The following UBE2Q1 variants were observed in gnomAD, a reference collection of about 807,000 sequenced individuals.
UBE2Q1 encodes ubiquitin conjugating enzyme E2 Q1.
Under a neutral mutation model 60.1 loss-of-function variants are expected in UBE2Q1, and 6 were observed. The observed-to-expected ratio is 0.10, with a 90% CI of 0.05 to 0.20. UBE2Q1 has a LOEUF of 0.20. Among genes scored for constraint, UBE2Q1 ranks in the 10% least tolerant of loss-of-function variants. UBE2Q1 has a pLI of 1.00. For missense variants in UBE2Q1, 262 were observed against 525.8 expected (o/e 0.50, Z 4.91); for synonymous variants, 226 against 208.3 (o/e 1.09, Z -0.73).
chr1:154,551,875 G>A (rs377684621), intron 9 of UBE2Q1, 46 bp downstream of exon 9: 24 of 1,613,990 alleles, frequency 1.5e-5, no homozygotes, highest in Admixed American at 5.0e-5. Flanking sequence ...TCTCTTCCCC[G>A]CCCTCTGCCA....
At chr1:154,554,681 A>G (rs1695851013) in intron 4 of UBE2Q1, 54 bp downstream of exon 4, 2 of 1,577,394 alleles carry the variant, frequency 1.3e-6, no homozygotes, top group South Asian at 1.1e-5. Context: ...ATGGGTACCA[A>G]TGTTGCTGAC....
rs1695762103 is a variant in UBE2Q1 at position 154,549,829 on chromosome 1, T to C, written c.*609A>G. ...ATCTAGGGGCAGACCAGGTGTGTGC[T>C]TCAGCTCCAAGTTTCTCTTGCTTTA... On this transcript the variant is annotated 3_prime_UTR_variant, in exon 13 of 13. Transcript: ENST00000292211. 6.6e-6 allele frequency: 1 copy of C among 152,598 alleles called. No individual in the cohort carries two copies. The highest frequency in any genetic ancestry group is 2.4e-5 in the African/African-American group (1 of 41,448). The allele number at this position is 152,598 out of a possible 1,614,324, so 9.5% of individuals were successfully genotyped here.
At chr1:154,554,270 T>C (rs1695844836) in intron 4 of UBE2Q1, among the ~76,000 whole-genome samples, 1 of 152,072 alleles carries the variant, frequency 6.6e-6, no homozygotes, top group Non-Finnish European at 1.5e-5. Flanking sequence ...ACCATGATTT[T>C]ATATTCTGTA....
At chr1:154,552,852 G>C (rs1329435256) in intron 5 of UBE2Q1, 32 bp from the exon 6 acceptor site, 1 of 1,611,762 alleles carries the variant, frequency 6.2e-7, no homozygotes, top group Admixed American at 1.7e-5. Flanking sequence ...AACATTCCTT[G>C]GTCGTGTGGT....
Position 154,558,305 on chromosome 1 carries a change from C to CGCCCCG in UBE2Q1, c.243_248dup (p.Gly84_Ala85dup). The CGCCCCG allele has an allele frequency of 6.3e-7, 1 of 1,582,128 alleles. No individual in the cohort carries two copies. The highest frequency in any genetic ancestry group is 8.6e-7 in the Non-Finnish European group (1 of 1,167,662). On this transcript the variant is annotated inframe_insertion, in exon 1 of 13. Coordinates refer to ENST00000292211, the MANE Select transcript of UBE2Q1 (RefSeq NM_017582.7). ...GGAGATGCGGTCCGGGCGCGGCCCCCGCCCCGGCCCCTCCGGCCCCAGCCA... is the reference window on the plus strand; with the variant it reads ...GGAGATGCGGTCCGGGCGCGGCCCCCGCCCCGGCCCCGGCCCCTCCGGCCCCAGCCA...
rs892994161 is a variant in UBE2Q1, at chr1:154,558,311, G to A, written c.243C>T (p.Ala81=). 4.4e-6 allele frequency: 7 copies of A among 1,574,130 alleles called. No individual in the cohort carries two copies. Among genetic ancestry groups the A allele is most frequent in the African/African-American group, 1.4e-5 (1 of 72,660 alleles). ...CEFLLAGAGG[A]GAGAAPGPHL... ...GCGGTCCGGGCGCGGCCCCCGCCCC[G>A]GCCCCTCCGGCCCCAGCCAGCAGGA... The change falls in exon 1 of 13, where the codon GCC becomes GCT. Residue 81 remains alanine (A), a synonymous_variant. Transcript: ENST00000292211.
At position 154,551,053 on chromosome 1, in the gene UBE2Q1, C is replaced by T. The variant is rs557605568; in HGVS notation, c.1171-49G>A. On this transcript the variant is annotated intron_variant, in intron 11 of 12. Coordinates refer to ENST00000292211, the MANE Select transcript of UBE2Q1 (RefSeq NM_017582.7). ...CAGGCCATGGCTAGCTGTGGCCTTA[C>T]TGCCCCTCACCTTCTGCAGGCTGTC... 1.7e-5 allele frequency: 28 copies of T among 1,604,492 alleles called. No homozygotes were observed. In the African/African-American group the frequency reaches 2.9e-4, roughly 17 times the overall value.
At position 154,548,642 on chromosome 1, in the gene UBE2Q1, T is replaced by C. The variant is rs1425692180; in HGVS notation, c.*1796A>G. On this transcript the variant is annotated 3_prime_UTR_variant, in exon 13 of 13. Transcript: ENST00000292211. ...GAAAAATACATTACAAAATACATTATACAGAAGACAGCTCACAGTACACAT... is the reference window on the plus strand; with the variant it reads ...GAAAAATACATTACAAAATACATTACACAGAAGACAGCTCACAGTACACAT... 1 of 152,662 alleles carries C rather than the reference T, an allele frequency of 6.6e-6. No homozygotes were observed. Among genetic ancestry groups the C allele is most frequent in the Non-Finnish European group, 1.5e-5 (1 of 68,042 alleles). The allele number at this position is 152,662 out of a possible 1,614,324, so 9.5% of individuals were successfully genotyped here. A position where few individuals can be genotyped will look rare whatever the true frequency, so the allele number is the denominator to read the frequency against.
chr1:154,555,229 T>A (rs1031904052), intron 3 of UBE2Q1, among the ~76,000 whole-genome samples, 199 bp downstream of exon 3: 1 of 152,218 alleles, frequency 6.6e-6, no homozygotes, highest in Middle Eastern at 3.2e-3. Flanking sequence ...AATTTTGATA[T>A]CAGAGATGAA....
intron 3 of UBE2Q1, 183 bp from the exon 4 acceptor site, chr1:154,554,968 C>T: frequency 1.6e-6 from 1 of 606,644 alleles, no homozygotes; most frequent in East Asian, 2.8e-5. Flanking sequence ...GCTACCAGCC[C>T]ATTATTTTTC....
In UBE2Q1 at chr1:154,553,167, T is replaced by C. The variant is rs1695821158; in HGVS notation, c.594A>G (p.Thr198=). 6.2e-7 allele frequency: 1 copy of C among 1,612,434 alleles called. No individual in the cohort carries two copies. Among genetic ancestry groups the C allele is most frequent in the African/African-American group, 1.3e-5 (1 of 74,808 alleles). ...EDEDEEMPED[T]EDLDHYEMKE... is the part of the protein sequence containing the mutation. ...TCATTTCATAGTGATCTAAGTCTTC[T>C]GTGTCCTGGAGGAGGTGTGGGGTGG... Residue 198 remains threonine (T), a synonymous_variant, in exon 5 of 13, where the codon ACA becomes ACG. Transcript: ENST00000292211.
intron 1 of UBE2Q1, 37 bp from the exon 2 acceptor site, chr1:154,556,001 G>A (rs937824380): frequency 1.2e-5 from 19 of 1,594,096 alleles, no homozygotes; most frequent in Admixed American, 3.3e-5. Flanking sequence ...ATCAAAATGG[G>A]TGACTCTGGG....
chr1:154,554,786 C>T lies in UBE2Q1; in HGVS notation c.538-1G>A. The T allele has an allele frequency of 2.5e-6, 4 of 1,613,368 alleles. No individual in the cohort carries two copies. The highest frequency in any genetic ancestry group is 3.4e-6 in the Non-Finnish European group (4 of 1,179,436). ...CTGAAGACACGTCTTCCTGTGTGCA[C>T]TGCAGCAAGGAAGGGAAAGATGGAG... On this transcript the variant is annotated splice_acceptor_variant, in intron 3 of 12. Transcript: ENST00000292211. LOFTEE classifies it high-confidence loss of function.
rs369251905 is a variant in UBE2Q1 at position 154,551,835 on chromosome 1, T to C, written c.1026-16A>G. The C allele has an allele frequency of 3.7e-6, 6 of 1,614,088 alleles. No homozygotes were observed. Among genetic ancestry groups the C allele is most frequent in the African/African-American group, 1.3e-5 (1 of 74,930 alleles). On this transcript the variant is annotated splice_polypyrimidine_tract_variant and intron_variant, in intron 9 of 12. Coordinates refer to ENST00000292211, the MANE Select transcript of UBE2Q1 (RefSeq NM_017582.7). Reference sequence around the variant, plus strand: ...CAGAACATACCTGCATGAGAAAGGTTAGTCAGCTGTGCCTGACAAAATCTC... The same window carrying C: ...CAGAACATACCTGCATGAGAAAGGTCAGTCAGCTGTGCCTGACAAAATCTC...
chr1:154,552,794 G>A lies in UBE2Q1; in HGVS notation c.756C>T (p.Ala252=), dbSNP rs770177929. The A allele has an allele frequency of 9.3e-6, 15 of 1,614,204 alleles. No homozygotes were observed. Among genetic ancestry groups the A allele is most frequent in the Non-Finnish European group, 1.2e-5 (14 of 1,180,044 alleles). The change falls in exon 6 of 13, where the codon GCC becomes GCT. Residue 252 remains alanine (A), a synonymous_variant. Coordinates refer to ENST00000292211, the MANE Select transcript of UBE2Q1 (RefSeq NM_017582.7). ...TGAGCTCCTTCATCAGCCGGTCAGT[G>A]GCCTGCACCGAGCCAGACACTGCAC... is the stretch of plus-strand genomic sequence containing the variant. The part of the protein sequence containing the change: ...LNGAVSGSVQ[A]TDRLMKELRD...
intron 4 of UBE2Q1, among the ~76,000 whole-genome samples, chr1:154,553,858 T>G (rs774951492): frequency 2.0e-5 from 3 of 152,190 alleles, no homozygotes; most frequent in Non-Finnish European, 4.4e-5. Context: ...ATGTTGGGGG[T>G]GTGGCCCAGA....
At chr1:154,552,894 C>T in intron 5 of UBE2Q1, 74 bp from the exon 6 acceptor site, 1 of 1,594,480 alleles carries the variant, frequency 6.3e-7, no homozygotes, top group East Asian at 2.2e-5. Flanking sequence ...TAGGGGCAGT[C>T]TGGCAGCTTG....
chr1:154,550,712 G>C (rs928607342), intron 12 of UBE2Q1: 33 of 985,242 alleles, frequency 3.3e-5, no homozygotes, highest in Admixed American at 1.2e-4. Flanking sequence ...GGTCAAGAAG[G>C]GGGTAGCACC....
At position 154,551,996 on chromosome 1, in the gene UBE2Q1, C is replaced by G. The variant is rs56013613; in HGVS notation, c.967-17G>C. ...AAAGTTATCCTGAGAGAGAGAGAGA[C>G]GACAATCAGGGGAGGGAGGCCAGCA... is the stretch of plus-strand genomic sequence containing the variant. On this transcript the variant is annotated splice_polypyrimidine_tract_variant and intron_variant, in intron 8 of 12. Coordinates refer to ENST00000292211, the MANE Select transcript of UBE2Q1 (RefSeq NM_017582.7). 13 of 1,613,586 alleles carry G rather than the reference C, an allele frequency of 8.1e-6. No homozygotes were observed. Among genetic ancestry groups the G allele is most frequent in the African/African-American group, 4.0e-5 (3 of 74,828 alleles).
Sources: gnomAD v4.1 joint callset for allele counts (sites outside exome capture counted in the v4.1 genomes callset) on GRCh38, gnomAD v4.1.1 for gene constraint, MANE v1.5 for transcripts, NCBI Gene and HGNC (gene_info 2026-07-23, HGNC 2026-07-21) for gene names.